The following SLC28A3 variants were observed in gnomAD, a reference collection of about 807,000 sequenced individuals.
SLC28A3 encodes the protein concentrative Na(+)-nucleoside cotransporter 3.
SLC28A3 carries 68 observed loss-of-function variants against 84.2 expected under a neutral mutation model. The observed-to-expected ratio is 0.81, with a 90% confidence interval of 0.66 to 0.99. The LOEUF is 0.99. Among genes scored for constraint, SLC28A3 ranks in the 50% least tolerant of loss-of-function variants. The probability of loss-of-function intolerance (pLI) is 0.00; values close to 1 mark genes in which losing one functional copy is unlikely to be tolerated. For synonymous variants in SLC28A3, 267 were observed against 303.6 expected, an observed-to-expected ratio of 0.88 and a Z score of 1.25; for missense variants, 712 against 841.5, an observed-to-expected ratio of 0.85 and a Z score of 1.90.
In SLC28A3 at chr9:84,305,318, T is replaced by A; in HGVS notation, c.270A>T (p.Val90=). The change falls in exon 4 of 18, where the codon GTA becomes GTT. Residue 90 remains valine (V), a synonymous_variant. Coordinates refer to ENST00000376238, the MANE Select transcript of SLC28A3 (RefSeq NM_001199633.2). ...TTTTGTGTTTCCTACAGAAACCACA[T>A]ACTGTGTCATACCTCCTTTCCAAAC... is the stretch of plus-strand genomic sequence containing the variant. The part of the protein sequence containing the change: ...KGCLERRYDT[V]CGFCRKHKTT... 6.2e-7 allele frequency: 1 copy of A among 1,612,800 alleles called. No homozygotes were observed. Among genetic ancestry groups the A allele is most frequent in the Non-Finnish European group, 8.5e-7 (1 of 1,179,682 alleles).
At chr9:84,359,192 T>A in the SLC28A3 span, among the ~76,000 whole-genome samples, 2 of 152,230 alleles carry the variant, frequency 1.3e-5, no homozygotes, top group Admixed American at 6.5e-5. Flanking sequence ...TCTTCTGTTA[T>A]GGAGCACATT....
chr9:84,352,892 CAAAAAAAAA>C, the SLC28A3 span, among the ~76,000 whole-genome samples: 1 of 72,820 alleles, frequency 1.4e-5, no homozygotes, highest in East Asian at 4.2e-4. Context: ...GATTCTGTCT[CAAAAAAAAA>C]AAAAAAAAAA....
At chr9:84,329,486 A>C (rs569888544) in intron 1 of SLC28A3, among the ~76,000 whole-genome samples, 1 of 152,340 alleles carries the variant, frequency 6.6e-6, no homozygotes, top group East Asian at 1.9e-4. Flanking sequence ...AATCTCAATA[A>C]ATTTAAAAAT....
chr9:84,365,912 T>C, the SLC28A3 span, among the ~76,000 whole-genome samples: 1 of 152,018 alleles, frequency 6.6e-6, no homozygotes, highest in African/African-American at 2.4e-5. Context: ...TAGCCAGGCG[T>C]GGTGGCACAT....
In SLC28A3 at chr9:84,285,345, TGATA is replaced by T; in HGVS notation, c.1643_1646del (p.Ile548LysfsTer6). Reference sequence around the variant, plus strand: ...CTGAGAAATTAAAATATTTACTCACTGATATATATTGCTGCACACCGTTTACAAA... The same window carrying T: ...CTGAGAAATTAAAATATTTACTCACTTATATTGCTGCACACCGTTTACAAA... On this transcript the variant is annotated frameshift_variant and splice_region_variant, in exon 14 of 18. Transcript: ENST00000376238. LOFTEE classifies it high-confidence loss of function. 1 of 1,613,538 alleles carries T rather than the reference TGATA, an allele frequency of 6.2e-7. No individual in the cohort carries two copies. The highest frequency in any genetic ancestry group is 8.5e-7 in the Non-Finnish European group (1 of 1,179,534).
chr9:84,316,159 G>A (rs2118453328), intron 1 of SLC28A3, among the ~76,000 whole-genome samples: 1 of 152,278 alleles, frequency 6.6e-6, no homozygotes, highest in Non-Finnish European at 1.5e-5. Context: ...GTGGCTATTA[G>A]AGGGAGGCAG....
chr9:84,303,810 T>C (rs996273833), intron 4 of SLC28A3, among the ~76,000 whole-genome samples: 1 of 152,218 alleles, frequency 6.6e-6, no homozygotes, highest in Non-Finnish European at 1.5e-5. Flanking sequence ...ACTGCTATTT[T>C]TTAATACACA....
chr9:84,309,548 A>AAT, intron 3 of SLC28A3, 81 bp downstream of exon 3: 1 of 726,270 alleles, frequency 1.4e-6, no homozygotes. Context: ...AAAAAAAAAA[A>AAT]GAAATCAAAT....
Position 84,278,184 on chromosome 9 carries a change from G to A in SLC28A3, c.*34C>T. 6.2e-7 allele frequency: 1 copy of A among 1,602,118 alleles called. No homozygotes were observed. Among genetic ancestry groups the A allele is most frequent in the South Asian group, 1.1e-5 (1 of 89,378 alleles). On this transcript the variant is annotated 3_prime_UTR_variant, in exon 18 of 18. Coordinates refer to ENST00000376238, the MANE Select transcript of SLC28A3 (RefSeq NM_001199633.2). Reference sequence around the variant, plus strand: ...TTCCAAAGCAGAAAATTCAGCATCTGTACTTCAGAGTTCCACTGGAGAAGT... The same window carrying A: ...TTCCAAAGCAGAAAATTCAGCATCTATACTTCAGAGTTCCACTGGAGAAGT...
chr9:84,323,738 G>A (rs1379133444), intron 1 of SLC28A3, among the ~76,000 whole-genome samples: 1 of 151,930 alleles, frequency 6.6e-6, no homozygotes, highest in South Asian at 2.1e-4. Flanking sequence ...TCGGGCCACT[G>A]TGCCCCACCC....
chr9:84,361,172 C>T, the SLC28A3 span, among the ~76,000 whole-genome samples: 124 of 152,040 alleles, frequency 8.2e-4, 3 homozygotes, highest in East Asian at 0.022. Flanking sequence ...GGTGAAACCC[C>T]GTCTCTACTA....
chr9:84,280,855 CG>C lies in SLC28A3; in HGVS notation c.1674del (p.Tyr558Ter). 1 of 1,614,034 alleles carries C rather than the reference CG, an allele frequency of 6.2e-7. No individual in the cohort carries two copies. The highest frequency in any genetic ancestry group is 1.3e-5 in the African/African-American group (1 of 75,000). ...CCGATATTGGCAAAACCACAGAGAG[CG>C]TAAGTGGCGATTATCTCAGAACGAA... The part of the protein sequence containing the change: ...ISIRSEIIAT[Y>X]ALCGFANIGS... On this transcript the variant is annotated frameshift_variant, in exon 15 of 18. Coordinates refer to ENST00000376238, the MANE Select transcript of SLC28A3 (RefSeq NM_001199633.2). LOFTEE classifies it high-confidence loss of function.
chr9:84,285,335 A>G lies in SLC28A3; in HGVS notation c.1647+10T>C. The stretch of plus-strand genomic sequence containing the variant: ...AAGAAATGTACTGAGAAATTAAAAT[A>G]TTTACTCACTGATATATATTGCTGC... On this transcript the variant is annotated intron_variant, in intron 14 of 17. Coordinates refer to ENST00000376238, the MANE Select transcript of SLC28A3 (RefSeq NM_001199633.2). 5 of 1,612,768 alleles carry G rather than the reference A, an allele frequency of 3.1e-6. No individual in the cohort carries two copies. The highest frequency in any genetic ancestry group is 4.2e-6 in the Non-Finnish European group (5 of 1,179,214).
At chr9:84,306,576 T>C (rs1286556785) in intron 3 of SLC28A3, among the ~76,000 whole-genome samples, 1 of 152,186 alleles carries the variant, frequency 6.6e-6, no homozygotes, top group Non-Finnish European at 1.5e-5. Context: ...GTCTTTTGGT[T>C]ATCTAGGCTG....
intron 5 of SLC28A3, 25 bp downstream of exon 5, chr9:84,302,175 A>G (rs751592483): frequency 8.1e-6 from 13 of 1,607,454 alleles, no homozygotes; most frequent in Non-Finnish European, 1.1e-5. Context: ...CTCTTAACTG[A>G]AATAAGAGAA....
In SLC28A3 at chr9:84,275,551, T is replaced by A. The variant is rs1824500409; in HGVS notation, c.*2667A>T. 6.6e-6 allele frequency: 1 copy of A among 152,204 alleles called. No homozygotes were observed. Among genetic ancestry groups the A allele is most frequent in the Admixed American group, 6.5e-5 (1 of 15,274 alleles). The allele number at this position is 152,204 out of a possible 1,614,324, so 9.4% of individuals were successfully genotyped here. On this transcript the variant is annotated 3_prime_UTR_variant, in exon 18 of 18. Transcript: ENST00000376238. ...GCATGCCATCTTTGCCCACTATATG[T>A]ACATGGGTGAAGGAGAAACTGGGGA...
chr9:84,342,132 AAAAAAAAAAAAAG>A (rs1183130921), upstream of SLC28A3, among the ~76,000 whole-genome samples: 476 of 134,576 alleles, frequency 3.5e-3, 5 homozygotes, highest in African/African-American at 0.015. Flanking sequence ...TGTCTCAAAA[AAAAAAAAAAAAAG>A]AAAAGAAAAA....
At chr9:84,336,047 G>C (rs781274305) in intron 1 of SLC28A3, among the ~76,000 whole-genome samples, 26 of 149,338 alleles carry the variant, frequency 1.7e-4, no homozygotes, top group Non-Finnish European at 3.4e-4. Context: ...CACTTTCAAT[G>C]GGGCCACCAA....
intron 2 of SLC28A3, among the ~76,000 whole-genome samples, chr9:84,311,523 T>C (rs1825987501): frequency 6.6e-6 from 1 of 151,526 alleles, no homozygotes; most frequent in Non-Finnish European, 1.5e-5. Flanking sequence ...GTATCCACCA[T>C]TGTAGTATCA....
Sources: gnomAD v4.1 joint callset for allele counts (sites outside exome capture counted in the v4.1 genomes callset) on GRCh38, gnomAD v4.1.1 for gene constraint, MANE v1.5 for transcripts, NCBI Gene and HGNC (gene_info 2026-07-23, HGNC 2026-07-21) for gene names.